The following MECOM variants were observed in gnomAD, a reference collection of about 807,000 sequenced individuals.
MECOM encodes MDS1 and EVI1 complex locus, also known as histone-lysine N-methyltransferase MECOM.
MECOM carries 13 observed loss-of-function variants against 116.3 expected under a neutral mutation model. The observed-to-expected ratio is 0.11, with a 90% CI of 0.07 to 0.18. The LOEUF (loss-of-function observed/expected upper bound fraction) is 0.18, where lower values mean the gene tolerates loss of function less well. Among genes scored for constraint, MECOM ranks in the 10% least tolerant of loss-of-function variants. The pLI is 1.00. For missense variants in MECOM, 1,299 were observed against 1,509.0 expected, an observed-to-expected ratio of 0.86 and a Z score of 2.31; for synonymous variants, 528 against 535.2, an observed-to-expected ratio of 0.99 and a Z score of 0.19.
intron 1 of MECOM, among the ~76,000 whole-genome samples, chr3:169,647,074 G>A (rs942959839): frequency 3.9e-5 from 6 of 152,006 alleles, no homozygotes; most frequent in Non-Finnish European, 8.8e-5. Context: ...ATCTTATTAC[G>A]TTTTATGAGC....
Position 169,332,258 on chromosome 3 carries a change from G to A in MECOM, c.375+48929C>T, listed in dbSNP as rs116986700. 1.8e-3 allele frequency among the ~76,000 whole-genome samples: 281 copies of A among 152,104 alleles called. 3 individuals are homozygous for A. In the East Asian group the frequency reaches 0.044, roughly 24 times the overall value. On this transcript the variant is annotated intron_variant, in intron 2 of 16. Transcript: ENST00000651503. The stretch of plus-strand genomic sequence containing the variant: ...GGGAAAAGGAGGGAAGAAGGAAAGG[G>A]GAAATCTTGGCCAAGAAAGTTGAAA...
chr3:169,472,912 T>C, intron 1 of MECOM: 1 of 944,658 alleles, frequency 1.1e-6, no homozygotes, highest in Non-Finnish European at 1.3e-6. Flanking sequence ...TCACATGTTC[T>C]AAAAATCAAT....
chr3:169,237,072 C>T (rs1315058991), intron 2 of MECOM, among the ~76,000 whole-genome samples: 1 of 152,156 alleles, frequency 6.6e-6, no homozygotes. Flanking sequence ...GGATGAAGCT[C>T]TTCCTGAATT....
At chr3:169,479,606 G>C (rs1393950310) in intron 1 of MECOM, among the ~76,000 whole-genome samples, 1 of 134,164 alleles carries the variant, frequency 7.5e-6, no homozygotes, top group Non-Finnish European at 1.5e-5. Context: ...GAGCAGTAAA[G>C]ATATGGAGGT....
intron 2 of MECOM, among the ~76,000 whole-genome samples, chr3:169,314,533 G>A (rs1349099375): frequency 4.6e-5 from 7 of 152,120 alleles, no homozygotes; most frequent in African/African-American, 1.7e-4. Context: ...GATTTTCATT[G>A]TCTTAGTAAT....
intron 1 of MECOM, among the ~76,000 whole-genome samples, chr3:169,550,633 T>G (rs1003505715): frequency 4.6e-5 from 7 of 152,196 alleles, no homozygotes; most frequent in Non-Finnish European, 7.3e-5. Context: ...CCTTCAAAGT[T>G]TGTTTCTTCA....
chr3:169,091,405 A>T (rs1449023521), intron 14 of MECOM, among the ~76,000 whole-genome samples: 1 of 152,128 alleles, frequency 6.6e-6, no homozygotes, highest in African/African-American at 2.4e-5. Flanking sequence ...AGACATGCTG[A>T]AGCCAGATGT....
At chr3:169,088,519 T>C (rs1718599369) in intron 16 of MECOM, among the ~76,000 whole-genome samples, 1 of 152,280 alleles carries the variant, frequency 6.6e-6, no homozygotes. Flanking sequence ...CTGATCCTCA[T>C]TTTACTATTA....
intron 1 of MECOM, among the ~76,000 whole-genome samples, chr3:169,523,348 T>G (rs1243831623): frequency 6.6e-6 from 1 of 152,100 alleles, no homozygotes; most frequent in Non-Finnish European, 1.5e-5. Flanking sequence ...TTCTGCTGGT[T>G]GGGAGAGAGG....
intron 2 of MECOM, among the ~76,000 whole-genome samples, chr3:169,148,687 G>C (rs986616850): frequency 1.3e-5 from 2 of 152,142 alleles, no homozygotes; most frequent in African/African-American, 4.8e-5. Flanking sequence ...AGCTGCAAAC[G>C]GGATAACACA....
intron 2 of MECOM, among the ~76,000 whole-genome samples, chr3:169,365,612 G>C (rs971552603): frequency 1.3e-5 from 2 of 151,960 alleles, no homozygotes; most frequent in African/African-American, 4.8e-5. Context: ...GGAGATGAAG[G>C]CAAAATGGCA....
chr3:169,302,942 T>A (rs1465190482), intron 2 of MECOM, among the ~76,000 whole-genome samples: 1 of 152,152 alleles, frequency 6.6e-6, no homozygotes, highest in Non-Finnish European at 1.5e-5. Flanking sequence ...AAGAAAAATT[T>A]GAACAGAGCC....
At chr3:169,268,644 C>T (rs138533553) in intron 2 of MECOM, among the ~76,000 whole-genome samples, 353 of 152,284 alleles carry the variant, frequency 2.3e-3, no homozygotes, top group Non-Finnish European at 3.8e-3. Context: ...AAAGATTAAA[C>T]GCTAATAGTG....
intron 1 of MECOM, among the ~76,000 whole-genome samples, chr3:169,393,508 A>T (rs1191421437): frequency 6.6e-6 from 1 of 152,202 alleles, no homozygotes; most frequent in Non-Finnish European, 1.5e-5. Flanking sequence ...CTTTTCATTC[A>T]TCAAGGTGCT....
chr3:169,454,790 C>A (rs1432520247), intron 1 of MECOM, among the ~76,000 whole-genome samples: 1 of 152,180 alleles, frequency 6.6e-6, no homozygotes, highest in Non-Finnish European at 1.5e-5. Flanking sequence ...TGGTCCTTCA[C>A]AGGCAGAAAA....
rs200362739 is a variant in MECOM at position 169,161,037 on chromosome 3, G to A, written c.376-17205C>T. Reference sequence around the variant, plus strand: ...CAAAGCAGGACAATGAGTTCAACACGTAAACCAACTTAGTTCAATTTGCTC... The same window carrying A: ...CAAAGCAGGACAATGAGTTCAACACATAAACCAACTTAGTTCAATTTGCTC... On this transcript the variant is annotated intron_variant, in intron 2 of 16. Transcript: ENST00000651503. Among the ~76,000 whole-genome samples, 20 of 152,274 alleles carry A rather than the reference G, an allele frequency of 1.3e-4. No homozygotes were observed. The East Asian group carries it at 2.1e-3, about 16-fold the overall frequency.
chr3:169,550,438 GA>G (rs1245787328), intron 1 of MECOM, among the ~76,000 whole-genome samples: 1 of 152,224 alleles, frequency 6.6e-6, no homozygotes, highest in Non-Finnish European at 1.5e-5. Flanking sequence ...GTGAAGAAGT[GA>G]AAACAGTGGT....
intron 2 of MECOM, among the ~76,000 whole-genome samples, chr3:169,308,192 A>T (rs1718060810): frequency 6.6e-6 from 1 of 152,202 alleles, no homozygotes; most frequent in South Asian, 2.1e-4. Flanking sequence ...AAACTCCAGG[A>T]GAGCAAGTGC....
rs1443109765 is a variant in MECOM at position 169,337,739 on chromosome 3, G to A, written c.375+43448C>T. Among the ~76,000 whole-genome samples the A allele has an allele frequency of 1.3e-5, 2 of 152,044 alleles. 1 individual carries two copies. The highest frequency in any genetic ancestry group is 1.3e-4 in the Admixed American group (2 of 15,252). On this transcript the variant is annotated intron_variant, in intron 2 of 16. Coordinates refer to ENST00000651503, the MANE Select transcript of MECOM (RefSeq NM_004991.4). ...TTCCTGGAACTGAATCCTTATAAAA[G>A]GGCATTGTTAAAACATGACATTGCC...
Sources: gnomAD v4.1 joint callset for allele counts (sites outside exome capture counted in the v4.1 genomes callset) on GRCh38, gnomAD v4.1.1 for gene constraint, MANE v1.5 for transcripts, NCBI Gene and HGNC (gene_info 2026-07-23, HGNC 2026-07-21) for gene names.